TSNARE1: variants seen among roughly 807,000 people sequenced by gnomAD.
TSNARE1 encodes t-SNARE domain containing 1.
TSNARE1 carries 49 observed loss-of-function variants against 62.0 expected under a neutral mutation model. The ratio of observed to expected loss-of-function variants is 0.79; its 90% CI spans 0.63 to 1.00. The LOEUF is 1.00. Ranked by LOEUF, TSNARE1 falls within the 50% of genes least tolerant of loss-of-function variation. The probability of loss-of-function intolerance (pLI) is 0.00; values close to 1 mark genes in which losing one functional copy is unlikely to be tolerated. For synonymous variants in TSNARE1, 328 were observed against 294.4 expected (o/e 1.11, Z -1.17); for missense variants, 755 against 700.1 (o/e 1.08, Z -0.88).
intron 11 of TSNARE1, chr8:142,277,503 G>T (rs1259513295): frequency 1.0e-6 from 1 of 985,348 alleles, no homozygotes; most frequent in Admixed American, 6.1e-5. Context: ...GGAAAGCATG[G>T]CCGGCTCGGG....
At chr8:142,317,056 A>G (rs1294151573) in intron 7 of TSNARE1, among the ~76,000 whole-genome samples, 1 of 151,646 alleles carries the variant, frequency 6.6e-6, no homozygotes. Context: ...TGCGGCCAGC[A>G]GCTCACACTG....
intron 12 of TSNARE1, among the ~76,000 whole-genome samples, chr8:142,256,329 CTTT>C (rs1818556921): frequency 1.5e-5 from 2 of 134,212 alleles, no homozygotes; most frequent in African/African-American, 2.8e-5. Flanking sequence ...CCATCACCAT[CTTT>C]GCCACCATCA....
chr8:142,316,686 C>G (rs1316433744), intron 7 of TSNARE1, among the ~76,000 whole-genome samples: 1 of 151,758 alleles, frequency 6.6e-6, no homozygotes, highest in African/African-American at 2.4e-5. Flanking sequence ...CTGACAACTG[C>G]TCATCGACTT....
At chr8:142,215,019 G>C (rs1348593729) in intron 13 of TSNARE1, among the ~76,000 whole-genome samples, 3 of 152,190 alleles carry the variant, frequency 2.0e-5, no homozygotes. Flanking sequence ...TTCACCTCTG[G>C]CCTCATCACA....
intron 11 of TSNARE1, chr8:142,279,957 G>A (rs555073819): frequency 3.6e-6 from 4 of 1,111,988 alleles, no homozygotes; most frequent in African/African-American, 3.4e-5. Flanking sequence ...GGAGGCCGGG[G>A]GCGGGGCCGC....
At chr8:142,282,781 G>A (rs1821825454) in intron 11 of TSNARE1, among the ~76,000 whole-genome samples, 1 of 147,722 alleles carries the variant, frequency 6.8e-6, no homozygotes, top group Non-Finnish European at 1.5e-5. Context: ...AATGAGCAGA[G>A]GCGGGGTCAG....
intron 4 of TSNARE1, 119 bp downstream of exon 4, chr8:142,343,847 A>AGAG (rs1223570281): frequency 6.0e-6 from 4 of 662,926 alleles, no homozygotes; most frequent in African/African-American, 6.7e-5. Flanking sequence ...AAGGGGAGGA[A>AGAG]GAGGAGGAGG....
At chr8:142,325,220 GGGGGT>G (rs1275261197) in intron 6 of TSNARE1, among the ~76,000 whole-genome samples, 8 of 152,202 alleles carry the variant, frequency 5.3e-5, no homozygotes, top group Non-Finnish European at 1.0e-4. Context: ...TGGGACTGGA[GGGGGT>G]GGTGTGGCCC....
At chr8:142,233,196 T>C (rs1380859594) in intron 12 of TSNARE1, among the ~76,000 whole-genome samples, 1 of 152,156 alleles carries the variant, frequency 6.6e-6, no homozygotes, top group Non-Finnish European at 1.5e-5. Flanking sequence ...GCGAGATGAA[T>C]TTTCCTGTTA....
At chr8:142,264,846 G>C (rs767046078) in intron 12 of TSNARE1, among the ~76,000 whole-genome samples, 1 of 152,138 alleles carries the variant, frequency 6.6e-6, no homozygotes, top group Non-Finnish European at 1.5e-5. Flanking sequence ...CAATCTGACA[G>C]TCCTTAACTC....
In TSNARE1 at chr8:142,267,716, C is replaced by T. The variant is rs115635448; in HGVS notation, c.1446+7065G>A. 6.9e-3 allele frequency among the ~76,000 whole-genome samples: 1,054 copies of T among 152,298 alleles called. 8 individuals are homozygous for T. Among genetic ancestry groups the T allele is most frequent in the African/African-American group, 0.024 (997 of 41,554 alleles). ...CTTGGAAGGCCCTGCAGGCAAGCTC[C>T]GCCACAGAATGCCACATCCTATTTC... On this transcript the variant is annotated intron_variant, in intron 12 of 13. Coordinates refer to ENST00000524325, the MANE Select transcript of TSNARE1 (RefSeq NM_145003.5).
chr8:142,367,231 C>T (rs893902290), intron 1 of TSNARE1, among the ~76,000 whole-genome samples: 7 of 152,302 alleles, frequency 4.6e-5, no homozygotes, highest in Admixed American at 3.9e-4. Context: ...TGGAGCTGGA[C>T]AAGTTGGCAG....
rs1220554622 is a variant in TSNARE1 at position 142,280,363 on chromosome 8, C to T, written c.1363+4050G>A. 5 of 981,034 alleles carry T rather than the reference C, an allele frequency of 5.1e-6. No individual in the cohort carries two copies. The African/African-American group carries it at 7.0e-5, about 14-fold the overall frequency. 60.8% of individuals were successfully genotyped at this position (981,034 alleles called of 1,614,324 possible). ...AGAGGCTGAGCAGGGGGCAGAGACC[C>T]TGGGGAGAGCAGCCAGGTTCGGGGT... On this transcript the variant is annotated intron_variant, in intron 11 of 13. Transcript: ENST00000524325.
chr8:142,225,650 G>A (rs554634764), intron 13 of TSNARE1, among the ~76,000 whole-genome samples: 2 of 152,302 alleles, frequency 1.3e-5, no homozygotes, highest in African/African-American at 4.8e-5. Flanking sequence ...GGCAAACCAT[G>A]TGCTGCCTAG....
chr8:142,325,519 C>A (rs1021974857), intron 6 of TSNARE1, among the ~76,000 whole-genome samples: 9 of 152,150 alleles, frequency 5.9e-5, no homozygotes, highest in African/African-American at 2.2e-4. Flanking sequence ...AGTGCGTGGA[C>A]ACGGGGCAGC....
At chr8:142,383,457 G>T (rs1415934278) in intron 1 of TSNARE1, among the ~76,000 whole-genome samples, 1 of 151,728 alleles carries the variant, frequency 6.6e-6, no homozygotes, top group Non-Finnish European at 1.5e-5. Flanking sequence ...GCCATCCTCT[G>T]TGGGAGGCCC....
intron 6 of TSNARE1, among the ~76,000 whole-genome samples, chr8:142,328,101 T>G (rs1830511345): frequency 1.3e-5 from 2 of 151,844 alleles, no homozygotes; most frequent in African/African-American, 4.8e-5. Flanking sequence ...GTAAAAAATG[T>G]CCTCTTCAAA....
chr8:142,374,132 C>T (rs181495739), intron 1 of TSNARE1, among the ~76,000 whole-genome samples: 4 of 152,140 alleles, frequency 2.6e-5, no homozygotes, highest in East Asian at 1.9e-4. Flanking sequence ...GGTGAAACCC[C>T]GTCTCTACTA....
intron 1 of TSNARE1, among the ~76,000 whole-genome samples, chr8:142,355,119 C>A (rs1016970365): frequency 1.4e-4 from 22 of 152,208 alleles, no homozygotes; most frequent in Admixed American, 1.4e-3. Context: ...GAGCGCTGGG[C>A]CCCCGCCATG....
Sources: gnomAD v4.1 joint callset for allele counts (sites outside exome capture counted in the v4.1 genomes callset) on GRCh38, gnomAD v4.1.1 for gene constraint, MANE v1.5 for transcripts, NCBI Gene and HGNC (gene_info 2026-07-23, HGNC 2026-07-21) for gene names.